XNDC1N: variants seen among roughly 807,000 people sequenced by gnomAD.
XNDC1N encodes XRCC1 N-terminal domain containing 1, N-terminal like.
the XNDC1N span, among the ~76,000 whole-genome samples, chr11:71,891,815 A>ACC: frequency 6.6e-6 from 1 of 151,368 alleles, no homozygotes; most frequent in Admixed American, 6.6e-5. Flanking sequence ...GGGGCTGAAC[A>ACC]CCCCCCACGA....
At chr11:71,908,424 T>C in the XNDC1N span, among the ~76,000 whole-genome samples, 1 of 152,046 alleles carries the variant, frequency 6.6e-6, no homozygotes, top group African/African-American at 2.4e-5. Flanking sequence ...GTTATTAAAA[T>C]TGATAATTAT....
At chr11:71,872,111 T>C in the XNDC1N span, among the ~76,000 whole-genome samples, 383 of 147,864 alleles carry the variant, frequency 2.6e-3, no homozygotes, top group African/African-American at 8.3e-3. Flanking sequence ...TAATAGATGA[T>C]ACATCATGGA....
At chr11:71,872,588 C>A in the XNDC1N span, among the ~76,000 whole-genome samples, 1 of 151,882 alleles carries the variant, frequency 6.6e-6, no homozygotes, top group Admixed American at 6.6e-5. Flanking sequence ...AATAGCTGGG[C>A]GTGGTGGCGG....
At chr11:71,897,351 T>C in the XNDC1N span, among the ~76,000 whole-genome samples, 2 of 152,142 alleles carry the variant, frequency 1.3e-5, no homozygotes, top group African/African-American at 2.4e-5. Context: ...CTGACAGCCA[T>C]CATATATAAA....
the XNDC1N span, chr11:71,894,215 G>A: frequency 3.0e-6 from 2 of 666,706 alleles, no homozygotes; most frequent in South Asian, 3.9e-5. Flanking sequence ...GCAGTTGTTT[G>A]CTGATTTTAT....
chr11:71,867,789 A>C, the XNDC1N span, among the ~76,000 whole-genome samples: 1 of 152,254 alleles, frequency 6.6e-6, no homozygotes, highest in East Asian at 1.9e-4. Flanking sequence ...TGTTCTGTAG[A>C]TGTCTTTTAG....
chr11:71,906,450 T>G, the XNDC1N span, among the ~76,000 whole-genome samples: 1 of 152,066 alleles, frequency 6.6e-6, no homozygotes, highest in Non-Finnish European at 1.5e-5. Flanking sequence ...CTGTGTGACA[T>G]TAGAAGTCAC....
chr11:71,917,394 A>C, the XNDC1N span: 1 of 614,416 alleles, frequency 1.6e-6, no homozygotes, highest in South Asian at 2.0e-5. Context: ...AAATATAAAT[A>C]GTTCATAAAT....
At chr11:71,898,555 C>T in the XNDC1N span, among the ~76,000 whole-genome samples, 16 of 152,094 alleles carry the variant, frequency 1.1e-4, no homozygotes, top group African/African-American at 3.1e-4. Flanking sequence ...TGCAGTGAGG[C>T]GACATCACGC....
chr11:71,926,728 C>G, the XNDC1N span, among the ~76,000 whole-genome samples: 22 of 151,922 alleles, frequency 1.4e-4, no homozygotes, highest in Admixed American at 1.4e-3. Flanking sequence ...TGGTGAAACC[C>G]TGTCTCTACT....
the XNDC1N span, among the ~76,000 whole-genome samples, chr11:71,913,744 C>T: frequency 5.7e-4 from 86 of 151,426 alleles, no homozygotes; most frequent in African/African-American, 1.8e-3. Flanking sequence ...GAGAAGTCAA[C>T]GCCTGGCTTC....
chr11:71,920,927 T>G, the XNDC1N span, among the ~76,000 whole-genome samples: 1 of 152,144 alleles, frequency 6.6e-6, no homozygotes, highest in Non-Finnish European at 1.5e-5. Flanking sequence ...ACTGCACCAC[T>G]GCACTCCAGC....
the XNDC1N span, among the ~76,000 whole-genome samples, chr11:71,890,629 T>C: frequency 1.3e-5 from 2 of 152,028 alleles, no homozygotes; most frequent in African/African-American, 4.8e-5. Flanking sequence ...ATATTGGCAA[T>C]AATATGATTT....
chr11:71,872,213 C>T, the XNDC1N span, among the ~76,000 whole-genome samples: 1 of 152,116 alleles, frequency 6.6e-6, no homozygotes, highest in South Asian at 2.1e-4. Flanking sequence ...TAAAATGTAG[C>T]CCCAGCTGAC....
chr11:71,875,622 A>G, the XNDC1N span, among the ~76,000 whole-genome samples: 1 of 152,180 alleles, frequency 6.6e-6, no homozygotes, highest in African/African-American at 2.4e-5. Flanking sequence ...AGGGAAAAGC[A>G]TTCATTAAAA....
the XNDC1N span, among the ~76,000 whole-genome samples, chr11:71,920,218 A>T: frequency 8.6e-5 from 13 of 151,830 alleles, no homozygotes. Context: ...TCAGCCTCCC[A>T]AAGAGCTGGG....
chr11:71,915,889 G>A, the XNDC1N span, among the ~76,000 whole-genome samples: 3,454 of 152,300 alleles, frequency 0.023, 75 homozygotes, highest in African/African-American at 0.056. Context: ...CCACGTGTGA[G>A]ACAGGGAAGG....
At chr11:71,900,041 C>A in the XNDC1N span, among the ~76,000 whole-genome samples, 6,359 of 152,184 alleles carry the variant, frequency 0.042, 249 homozygotes, top group African/African-American at 0.15. Flanking sequence ...TGGAGAGAAA[C>A]CTAAATCTGG....
At chr11:71,926,344 C>A in the XNDC1N span, among the ~76,000 whole-genome samples, 1 of 152,122 alleles carries the variant, frequency 6.6e-6, no homozygotes. Flanking sequence ...GTAGTTCTCA[C>A]AAGATTAAGT....
Sources: gnomAD v4.1 joint callset for allele counts (sites outside exome capture counted in the v4.1 genomes callset) on GRCh38, gnomAD v4.1.1 for gene constraint, MANE v1.5 for transcripts, NCBI Gene and HGNC (gene_info 2026-07-23, HGNC 2026-07-21) for gene names.